The following RNF150 variants were observed in gnomAD, a reference collection of about 807,000 sequenced individuals.
RNF150 encodes ring finger protein 150.
Under a neutral mutation model 39.3 loss-of-function variants are expected in RNF150, and 24 were observed. The ratio of observed to expected loss-of-function variants is 0.61; its 90% CI spans 0.44 to 0.86. The LOEUF is 0.86. Ranked by LOEUF, RNF150 falls within the 40% of genes least tolerant of loss-of-function variation. RNF150 has a pLI of 0.00. For missense variants in RNF150, 502 were observed against 587.8 expected (o/e 0.85, Z 1.51); for synonymous variants, 255 against 227.3 (o/e 1.12, Z -1.10).
chr4:141,007,300 A>C (rs528652450), intron 1 of RNF150, among the ~76,000 whole-genome samples: 30 of 152,304 alleles, frequency 2.0e-4, no homozygotes, highest in Admixed American at 1.1e-3. Flanking sequence ...AATCTCTGAA[A>C]ATACTCCTCC....
Position 140,911,205 on chromosome 4 carries a change from C to T in RNF150, c.1137G>A (p.Leu379=). ...TGGGGTCTGTATCCTGGACCACCTG[C>T]AAGGCTCCCACAGTCCGGACAGCAG... is the stretch of plus-strand genomic sequence containing the variant. ...LDPAVRTVGA[L]QVVQDTDPIP... The change falls in exon 6 of 7, where the codon TTG becomes TTA. Residue 379 remains leucine, a synonymous_variant. Coordinates refer to ENST00000515673, the MANE Select transcript of RNF150 (RefSeq NM_020724.2). 1 of 1,614,162 alleles carries T rather than the reference C, an allele frequency of 6.2e-7. No individual in the cohort carries two copies. The highest frequency in any genetic ancestry group is 1.3e-5 in the African/African-American group (1 of 75,040).
At chr4:140,993,188 T>G (rs1734256043) in intron 1 of RNF150, among the ~76,000 whole-genome samples, 1 of 152,128 alleles carries the variant, frequency 6.6e-6, no homozygotes, top group African/African-American at 2.4e-5. Flanking sequence ...AAAATCAAGG[T>G]GTTGGCATGG....
chr4:141,092,352 A>G (rs2111011276), intron 1 of RNF150, among the ~76,000 whole-genome samples: 1 of 152,220 alleles, frequency 6.6e-6, no homozygotes, highest in Middle Eastern at 3.4e-3. Flanking sequence ...ACAAAAAAAA[A>G]AAGGAAAAAA....
chr4:141,015,727 T>C (rs1735245992), intron 1 of RNF150, among the ~76,000 whole-genome samples: 1 of 152,164 alleles, frequency 6.6e-6, no homozygotes, highest in Non-Finnish European at 1.5e-5. Context: ...CTTTTCCTAT[T>C]AGGATGCATT....
At chr4:140,887,862 A>G (rs1560949267) in intron 6 of RNF150, among the ~76,000 whole-genome samples, 1 of 152,356 alleles carries the variant, frequency 6.6e-6, no homozygotes, top group East Asian at 1.9e-4. Flanking sequence ...ATGTGCCTAA[A>G]TATATAGTCC....
At chr4:141,113,831 C>T (rs190965853) in intron 1 of RNF150, among the ~76,000 whole-genome samples, 7 of 152,066 alleles carry the variant, frequency 4.6e-5, no homozygotes, top group African/African-American at 7.2e-5. Context: ...CTCAGACCAC[C>T]GTGCAATCAA....
At chr4:140,915,998 G>A (rs1730810056) in intron 5 of RNF150, among the ~76,000 whole-genome samples, 1 of 152,088 alleles carries the variant, frequency 6.6e-6, no homozygotes, top group Admixed American at 6.5e-5. Flanking sequence ...GACCTTAGAA[G>A]GAAAACTAAC....
chr4:141,074,057 G>A (rs990576351), intron 1 of RNF150, among the ~76,000 whole-genome samples: 8 of 152,022 alleles, frequency 5.3e-5, no homozygotes, highest in Admixed American at 5.2e-4. Flanking sequence ...AATGGAGGAA[G>A]GTATAACCAA....
intron 2 of RNF150, among the ~76,000 whole-genome samples, chr4:140,953,894 C>T (rs1032370254): frequency 6.6e-6 from 1 of 152,158 alleles, no homozygotes; most frequent in Non-Finnish European, 1.5e-5. Context: ...TCTCTTCTGT[C>T]TTTGGGTTTT....
intron 1 of RNF150, among the ~76,000 whole-genome samples, chr4:141,065,796 G>C (rs79801414): frequency 6.6e-6 from 1 of 151,770 alleles, no homozygotes; most frequent in Admixed American, 6.6e-5. Flanking sequence ...ACTAAATGCC[G>C]ACTCCCTCCG....
rs575930468 is a variant in RNF150 at position 141,121,914 on chromosome 4, A to G, written c.484+10411T>C. Among the ~76,000 whole-genome samples the G allele has an allele frequency of 5.3e-5, 8 of 152,224 alleles. 1 individual carries two copies. In the South Asian group the frequency reaches 1.5e-3, roughly 28 times the overall value. On this transcript the variant is annotated intron_variant, in intron 1 of 6. Coordinates refer to ENST00000515673, the MANE Select transcript of RNF150 (RefSeq NM_020724.2). ...CATAGTGGCTGTCAGACCTGAGTGC[A>G]CTCTAGAAACATATGGGGAGTCCCC...
intron 6 of RNF150, among the ~76,000 whole-genome samples, chr4:140,888,903 G>T (rs775455864): frequency 6.6e-6 from 1 of 152,166 alleles, no homozygotes; most frequent in Admixed American, 6.5e-5. Flanking sequence ...CTATTTAGTT[G>T]TTCATGATTA....
intron 1 of RNF150, among the ~76,000 whole-genome samples, chr4:141,160,183 A>T (rs1490906171): frequency 6.6e-6 from 1 of 152,220 alleles, no homozygotes; most frequent in East Asian, 1.9e-4. Context: ...ACTATTACAT[A>T]GCTCCAATCA....
Position 140,949,391 on chromosome 4 carries a change from CT to C in RNF150, c.736-20del. Reference sequence around the variant, plus strand: ...GTCGGCGCTGAAAAGCCAAAACGTGCTTGTTAATAATAAAGATCTGTAATTC... The same window carrying C: ...GTCGGCGCTGAAAAGCCAAAACGTGCTGTTAATAATAAAGATCTGTAATTC... On this transcript the variant is annotated intron_variant, in intron 2 of 6. Coordinates refer to ENST00000515673, the MANE Select transcript of RNF150 (RefSeq NM_020724.2). 4 of 1,607,030 alleles carry C rather than the reference CT, an allele frequency of 2.5e-6. No individual in the cohort carries two copies. Among genetic ancestry groups the C allele is most frequent in the Non-Finnish European group, 1.7e-6 (2 of 1,174,640 alleles).
At chr4:141,071,664 G>T (rs1262929917) in intron 1 of RNF150, among the ~76,000 whole-genome samples, 3 of 152,114 alleles carry the variant, frequency 2.0e-5, no homozygotes, top group African/African-American at 7.2e-5. Context: ...AACATCCTAT[G>T]ACTCTTGAAA....
At chr4:141,034,099 G>C (rs1578653832) in intron 1 of RNF150, among the ~76,000 whole-genome samples, 1 of 152,132 alleles carries the variant, frequency 6.6e-6, no homozygotes, top group Non-Finnish European at 1.5e-5. Flanking sequence ...TCCAGTGTAA[G>C]GGTGTTTCAT....
At chr4:140,890,045 C>T (rs1465227445) in intron 6 of RNF150, among the ~76,000 whole-genome samples, 6 of 152,124 alleles carry the variant, frequency 3.9e-5, no homozygotes, top group Non-Finnish European at 5.9e-5. Context: ...TTGTGTCTCA[C>T]CACTAGTTTC....
At chr4:141,092,967 G>A (rs1051833688) in intron 1 of RNF150, among the ~76,000 whole-genome samples, 1 of 152,142 alleles carries the variant, frequency 6.6e-6, no homozygotes, top group African/African-American at 2.4e-5. Flanking sequence ...AGCTAAAACT[G>A]AAGGGCCATT....
At chr4:141,106,681 C>A (rs1739219711) in intron 1 of RNF150, among the ~76,000 whole-genome samples, 1 of 152,010 alleles carries the variant, frequency 6.6e-6, no homozygotes, top group Non-Finnish European at 1.5e-5. Flanking sequence ...GTAGTCCCAG[C>A]TGCTTGGGAG....
Sources: gnomAD v4.1 joint callset for allele counts (sites outside exome capture counted in the v4.1 genomes callset) on GRCh38, gnomAD v4.1.1 for gene constraint, MANE v1.5 for transcripts, NCBI Gene and HGNC (gene_info 2026-07-23, HGNC 2026-07-21) for gene names.